Variants in SCAPER observed in about 807,000 individuals in gnomAD.
SCAPER encodes the protein S-phase cyclin A associated protein in the ER.
In SCAPER, 98 loss-of-function variants were observed where a neutral mutation model predicts 182.2. The ratio of observed to expected loss-of-function variants is 0.54; its 90% CI spans 0.46 to 0.64. SCAPER has a LOEUF of 0.64. SCAPER is among the 30% of genes least tolerant of loss of function. The probability of loss-of-function intolerance (pLI) is 0.00; values close to 1 mark genes in which losing one functional copy is unlikely to be tolerated. For synonymous variants in SCAPER, 605 were observed against 564.6 expected, an observed-to-expected ratio of 1.07 and a Z score of -1.01; for missense variants, 1,432 against 1,690.0, an observed-to-expected ratio of 0.85 and a Z score of 2.68.
chr15:76,633,017 C>T (rs1483193870), intron 21 of SCAPER, among the ~76,000 whole-genome samples: 4 of 152,106 alleles, frequency 2.6e-5, no homozygotes, highest in Admixed American at 6.5e-5. Context: ...GCAGGTGATC[C>T]GCCTGCCTCG....
chr15:76,502,091 T>C (rs1355564391), intron 24 of SCAPER, among the ~76,000 whole-genome samples: 1 of 152,210 alleles, frequency 6.6e-6, no homozygotes, highest in African/African-American at 2.4e-5. Flanking sequence ...TTAGAGTCAA[T>C]GCTGGATGCC....
In SCAPER at chr15:76,563,271, A is replaced by AT. The variant is rs149798874; in HGVS notation, c.2838+10886dup. Among the ~76,000 whole-genome samples, 121 of 152,344 alleles carry AT rather than the reference A, an allele frequency of 7.9e-4. 2 individuals carry two copies. In the East Asian group the frequency reaches 0.022, roughly 28 times the overall value. On this transcript the variant is annotated intron_variant, in intron 23 of 31. Coordinates refer to ENST00000563290, the MANE Select transcript of SCAPER (RefSeq NM_020843.4). ...AGTAAGTATCTGTGTACTGTATTAC[A>AT]TAAGGCAAGAGGTTTCAAAGATACA... is the stretch of plus-strand genomic sequence containing the variant.
intron 15 of SCAPER, among the ~76,000 whole-genome samples, chr15:76,736,462 T>C (rs1030310948): frequency 4.6e-5 from 7 of 152,192 alleles, no homozygotes; most frequent in Admixed American, 1.3e-4. Flanking sequence ...ATTTTACCCA[T>C]AGTAGAGTTT....
At chr15:76,728,758 T>G in intron 16 of SCAPER, 21 bp from the exon 17 acceptor site, 3 of 1,596,298 alleles carry the variant, frequency 1.9e-6, no homozygotes, top group South Asian at 1.1e-5. Context: ...AAATATTTGT[T>G]TCCAATATTA....
intron 9 of SCAPER, among the ~76,000 whole-genome samples, chr15:76,773,582 T>C (rs2063582816): frequency 6.6e-6 from 1 of 151,904 alleles, no homozygotes; most frequent in African/African-American, 2.4e-5. Flanking sequence ...TTAGGACTCT[T>C]CCATATTGTT....
At chr15:76,650,436 T>G (rs1000246856) in intron 21 of SCAPER, among the ~76,000 whole-genome samples, 2 of 151,798 alleles carry the variant, frequency 1.3e-5, no homozygotes, top group Non-Finnish European at 2.9e-5. Flanking sequence ...GAAGGAAAAT[T>G]GATAATGGGA....
rs1010992662 is a variant in SCAPER at position 76,418,338 on chromosome 15, G to T, written c.3312-13659C>A. ...TCTTACAGGGAAAAAGTAAGCTGGA[G>T]ATTCCCAGCAGTCCTCACTGCCACC... On this transcript the variant is annotated intron_variant, in intron 26 of 31. Coordinates refer to ENST00000563290, the MANE Select transcript of SCAPER (RefSeq NM_020843.4). Among the ~76,000 whole-genome samples, 13 of 152,288 alleles carry T rather than the reference G, an allele frequency of 8.5e-5. No individual in the cohort carries two copies. The East Asian group carries it at 2.3e-3, about 27-fold the overall frequency.
intron 4 of SCAPER, among the ~76,000 whole-genome samples, chr15:76,850,142 T>C (rs2070582450): frequency 6.6e-6 from 1 of 152,136 alleles, no homozygotes; most frequent in South Asian, 2.1e-4. Context: ...CCCATCCCCA[T>C]GAAATCAAAC....
intron 25 of SCAPER, among the ~76,000 whole-genome samples, chr15:76,436,960 A>C (rs1028695812): frequency 6.6e-6 from 1 of 152,194 alleles, no homozygotes; most frequent in Non-Finnish European, 1.5e-5. Context: ...AGTGTATAAC[A>C]TGGTGCCCAT....
chr15:76,707,995 CATGAATCAA>C (rs1390833851), intron 17 of SCAPER, among the ~76,000 whole-genome samples: 1 of 152,044 alleles, frequency 6.6e-6, no homozygotes, highest in Non-Finnish European at 1.5e-5. Context: ...CTAAATAGCC[CATGAATCAA>C]ATAAGAACTA....
chr15:76,865,321 C>G (rs927478118), intron 2 of SCAPER, among the ~76,000 whole-genome samples: 7 of 151,964 alleles, frequency 4.6e-5, no homozygotes, highest in South Asian at 2.1e-4. Flanking sequence ...AAAGCAACAG[C>G]CATAAGACTG....
At chr15:76,349,752 T>G (rs1316596102) in intron 31 of SCAPER, 3 of 151,980 alleles carry the variant, frequency 2.0e-5, no homozygotes, top group Non-Finnish European at 4.4e-5. Context: ...TTTGCTGTTC[T>G]GTGGGTTAAG....
chr15:76,846,986 C>G (rs547811031), intron 4 of SCAPER, among the ~76,000 whole-genome samples: 1 of 151,840 alleles, frequency 6.6e-6, no homozygotes, highest in Non-Finnish European at 1.5e-5. Flanking sequence ...TGTACATATA[C>G]ACAATGAAGT....
intron 29 of SCAPER, among the ~76,000 whole-genome samples, chr15:76,370,301 T>TCAA (rs2042068272): frequency 1.9e-5 from 1 of 52,312 alleles, no homozygotes; most frequent in Non-Finnish European, 7.0e-5. Context: ...ATTTTTTTTT[T>TCAA]TTTTTTTTTT....
intron 23 of SCAPER, among the ~76,000 whole-genome samples, chr15:76,534,561 T>C (rs1488125986): frequency 6.6e-6 from 1 of 152,222 alleles, no homozygotes; most frequent in African/African-American, 2.4e-5. Flanking sequence ...TTCTGGTTTT[T>C]CAGTGATTTT....
chr15:76,701,563 TTCTA>T (rs1307444220), intron 20 of SCAPER, among the ~76,000 whole-genome samples, 191 bp downstream of exon 20: 2 of 152,206 alleles, frequency 1.3e-5, no homozygotes, highest in East Asian at 1.9e-4. Context: ...AAATTCTTTT[TTCTA>T]TCTTTCTTGT....
At chr15:76,725,685 A>T (rs2060544127) in intron 17 of SCAPER, among the ~76,000 whole-genome samples, 1 of 152,078 alleles carries the variant, frequency 6.6e-6, no homozygotes, top group Non-Finnish European at 1.5e-5. Context: ...GCCAAGAAAT[A>T]CAGCCATTGT....
At chr15:76,662,760 A>G (rs2056294686) in intron 21 of SCAPER, among the ~76,000 whole-genome samples, 1 of 152,154 alleles carries the variant, frequency 6.6e-6, no homozygotes, top group Admixed American at 6.5e-5. Flanking sequence ...CAGGCTATCT[A>G]TAGAAAAATA....
intron 26 of SCAPER, among the ~76,000 whole-genome samples, chr15:76,413,464 G>A (rs554998536): frequency 6.6e-6 from 1 of 152,262 alleles, no homozygotes; most frequent in East Asian, 1.9e-4. Flanking sequence ...GTTGAGGTCA[G>A]TGCCAGGAGA....
Sources: gnomAD v4.1 joint callset for allele counts (sites outside exome capture counted in the v4.1 genomes callset) on GRCh38, gnomAD v4.1.1 for gene constraint, MANE v1.5 for transcripts, NCBI Gene and HGNC (gene_info 2026-07-23, HGNC 2026-07-21) for gene names.